RANBP17: variants seen among roughly 807,000 people sequenced by gnomAD.
RANBP17 encodes the protein RAN binding protein 17.
Under a neutral mutation model 141.2 loss-of-function variants are expected in RANBP17, and 158 were observed. The observed-to-expected ratio is 1.12, with a 90% CI of 0.98 to 1.28. The LOEUF is 1.28. Ranked by LOEUF, RANBP17 falls within the 50% of genes most tolerant of loss-of-function variation. The probability of loss-of-function intolerance (pLI) is 0.00; values close to 1 mark genes in which losing one functional copy is unlikely to be tolerated. For synonymous variants in RANBP17, 430 were observed against 450.0 expected (o/e 0.96, Z 0.56); for missense variants, 1,438 against 1,290.7 (o/e 1.11, Z -1.75).
intron 19 of RANBP17, among the ~76,000 whole-genome samples, chr5:171,200,171 T>G (rs1300073331): frequency 2.0e-5 from 3 of 152,224 alleles, no homozygotes; most frequent in Non-Finnish European, 4.4e-5. Context: ...CTAAATATTT[T>G]TTTAAACAAG....
chr5:171,110,347 C>T (rs1275284640), intron 14 of RANBP17, among the ~76,000 whole-genome samples: 1 of 152,056 alleles, frequency 6.6e-6, no homozygotes, highest in Admixed American at 6.6e-5. Flanking sequence ...TCACATAATG[C>T]TGTGAGTGCT....
chr5:171,294,111 C>T, intron 26 of RANBP17, 130 bp downstream of exon 26: 1 of 696,022 alleles, frequency 1.4e-6, no homozygotes. Context: ...ACCTTGCGAA[C>T]TCTGTGAGGC....
chr5:171,288,658 A>G (rs1453559831), intron 25 of RANBP17, among the ~76,000 whole-genome samples: 1 of 152,242 alleles, frequency 6.6e-6, no homozygotes, highest in Non-Finnish European at 1.5e-5. Context: ...TCCCATGGTT[A>G]GTTGAGAATT....
intron 12 of RANBP17, among the ~76,000 whole-genome samples, chr5:170,952,033 G>A (rs1318473859): frequency 6.6e-6 from 1 of 151,962 alleles, no homozygotes; most frequent in Non-Finnish European, 1.5e-5. Flanking sequence ...AAGTAGAAAT[G>A]AGGAACGTGA....
intron 5 of RANBP17, chr5:170,897,184 C>T (rs554153574): frequency 2.4e-5 from 18 of 738,926 alleles, no homozygotes; most frequent in African/African-American, 7.0e-5. Context: ...CTTATGGCTC[C>T]GGAAATAATT....
At chr5:171,029,571 A>C (rs1781430366) in intron 14 of RANBP17, among the ~76,000 whole-genome samples, 1 of 152,082 alleles carries the variant, frequency 6.6e-6, no homozygotes, top group Admixed American at 6.6e-5. Context: ...CAGAGACAAG[A>C]ATTTTCCTGT....
At chr5:170,910,228 T>C (rs1561880390) in intron 6 of RANBP17, 1 of 156,908 alleles carries the variant, frequency 6.4e-6, no homozygotes, top group Non-Finnish European at 1.4e-5. Flanking sequence ...TAGTGCCCTA[T>C]TGAATATTAG....
intron 14 of RANBP17, among the ~76,000 whole-genome samples, chr5:171,115,801 A>G (rs1387869221): frequency 1.3e-5 from 2 of 152,196 alleles, no homozygotes; most frequent in Non-Finnish European, 2.9e-5. Flanking sequence ...CAAAGTTAAA[A>G]ATCTAAAACT....
At chr5:171,055,890 A>C (rs913313134) in intron 14 of RANBP17, among the ~76,000 whole-genome samples, 3 of 142,750 alleles carry the variant, frequency 2.1e-5, no homozygotes, top group Non-Finnish European at 3.0e-5. Context: ...CAAAAAAAAA[A>C]AAAAAACAAA....
chr5:171,070,579 C>T (rs894030246), intron 14 of RANBP17, among the ~76,000 whole-genome samples: 3 of 152,040 alleles, frequency 2.0e-5, no homozygotes, highest in African/African-American at 7.2e-5. Context: ...TGGAAAAACC[C>T]AAGACCAGGA....
At chr5:170,954,611 G>A (rs866437420) in intron 13 of RANBP17, among the ~76,000 whole-genome samples, 3 of 133,188 alleles carry the variant, frequency 2.3e-5, no homozygotes, top group Non-Finnish European at 3.1e-5. Context: ...CATTTTACCT[G>A]GACATTAAAT....
chr5:170,953,188 A>G (rs1019761038), intron 12 of RANBP17, among the ~76,000 whole-genome samples: 1 of 152,142 alleles, frequency 6.6e-6, no homozygotes, highest in Non-Finnish European at 1.5e-5. Flanking sequence ...TGGTCCTTGG[A>G]TCATGAGAGT....
At chr5:171,081,254 A>C (rs1430315441) in intron 14 of RANBP17, among the ~76,000 whole-genome samples, 4 of 152,118 alleles carry the variant, frequency 2.6e-5, no homozygotes, top group Non-Finnish European at 5.9e-5. Flanking sequence ...CCCCCTAGTC[A>C]GTAAAACTAA....
chr5:171,144,837 G>A (rs1449652528), intron 14 of RANBP17, among the ~76,000 whole-genome samples: 4 of 152,156 alleles, frequency 2.6e-5, no homozygotes, highest in African/African-American at 4.8e-5. Context: ...ACCATGGAGC[G>A]CTCTGCATTG....
At chr5:171,094,181 T>G (rs1786510726) in intron 14 of RANBP17, among the ~76,000 whole-genome samples, 1 of 152,174 alleles carries the variant, frequency 6.6e-6, no homozygotes, top group Admixed American at 6.5e-5. Flanking sequence ...GGCCTTGTGC[T>G]TTTTTATTCA....
At chr5:171,188,731 G>C (rs1169774035) in intron 18 of RANBP17, among the ~76,000 whole-genome samples, 1 of 152,178 alleles carries the variant, frequency 6.6e-6, no homozygotes, top group Non-Finnish European at 1.5e-5. Context: ...ATCACAGATA[G>C]GGAACCCACT....
intron 14 of RANBP17, among the ~76,000 whole-genome samples, chr5:171,092,061 G>A (rs1786331760): frequency 6.6e-6 from 1 of 152,108 alleles, no homozygotes; most frequent in Admixed American, 6.6e-5. Context: ...AGGTTTTTAT[G>A]TTTAAATATT....
intron 24 of RANBP17, among the ~76,000 whole-genome samples, chr5:171,257,364 T>G (rs1340697720): frequency 1.3e-5 from 2 of 152,178 alleles, no homozygotes; most frequent in African/African-American, 4.8e-5. Flanking sequence ...TCCAGCATCC[T>G]TCCTGACAAA....
chr5:171,268,712 C>A (rs1319878760), intron 25 of RANBP17, among the ~76,000 whole-genome samples: 1 of 152,034 alleles, frequency 6.6e-6, no homozygotes, highest in Non-Finnish European at 1.5e-5. Flanking sequence ...GCCTTTACCC[C>A]ACCATGGCAA....
Sources: gnomAD v4.1 joint callset for allele counts (sites outside exome capture counted in the v4.1 genomes callset) on GRCh38, gnomAD v4.1.1 for gene constraint, MANE v1.5 for transcripts, NCBI Gene and HGNC (gene_info 2026-07-23, HGNC 2026-07-21) for gene names.